The following GABRA1 variants were observed in gnomAD, a reference collection of about 807,000 sequenced individuals.
GABRA1 encodes gamma-aminobutyric acid type A receptor subunit alpha1, also known as gamma-aminobutyric acid receptor subunit alpha-1.
In GABRA1, 9 loss-of-function variants were observed where a neutral mutation model predicts 48.9. The observed-to-expected ratio is 0.18, with a 90% CI of 0.11 to 0.32. GABRA1 has a LOEUF of 0.32. GABRA1 is among the 10% of genes least tolerant of loss of function. GABRA1 has a pLI of 1.00. For missense variants in GABRA1, 285 were observed against 553.8 expected, an observed-to-expected ratio of 0.51 and a Z score of 4.87; for synonymous variants, 210 against 198.7, an observed-to-expected ratio of 1.06 and a Z score of -0.48.
At chr5:161,868,932 A>G (rs1753991819) in intron 4 of GABRA1, among the ~76,000 whole-genome samples, 1 of 152,172 alleles carries the variant, frequency 6.6e-6, no homozygotes, top group Non-Finnish European at 1.5e-5. Flanking sequence ...TGTCCAACCA[A>G]CAATATTCCC....
chr5:161,895,965 A>C, intron 9 of GABRA1, 97 bp downstream of exon 9: 1 of 987,966 alleles, frequency 1.0e-6, no homozygotes, highest in South Asian at 1.3e-5. Flanking sequence ...TGGAGTATGC[A>C]GAATAATAAG....
intron 7 of GABRA1, among the ~76,000 whole-genome samples, chr5:161,887,648 T>C (rs1414867645): frequency 6.6e-6 from 1 of 152,088 alleles, no homozygotes; most frequent in Non-Finnish European, 1.5e-5. Flanking sequence ...TTAGTATCCA[T>C]AGAAAACACC....
chr5:161,862,429 T>G (rs996121171), intron 3 of GABRA1, among the ~76,000 whole-genome samples: 2 of 151,904 alleles, frequency 1.3e-5, no homozygotes, highest in African/African-American at 2.4e-5. Flanking sequence ...TTAATGTATT[T>G]CCCTGGATCT....
At chr5:161,870,631 C>G (rs561119235) in intron 4 of GABRA1, among the ~76,000 whole-genome samples, 2 of 147,734 alleles carry the variant, frequency 1.4e-5, no homozygotes, top group Non-Finnish European at 3.0e-5. Flanking sequence ...GACAGACAGA[C>G]AGAAAGAAAG....
chr5:161,882,536 A>T (rs372322035), intron 6 of GABRA1, 22 bp from the exon 7 acceptor site: 1 of 1,610,092 alleles, frequency 6.2e-7, no homozygotes, highest in African/African-American at 1.3e-5. Flanking sequence ...TATATGGATC[A>T]TTTTCTACTG....
chr5:161,874,937 G>C (rs888639074), intron 5 of GABRA1, among the ~76,000 whole-genome samples: 1 of 152,034 alleles, frequency 6.6e-6, no homozygotes, highest in Admixed American at 6.6e-5. Flanking sequence ...ACATCCCAGG[G>C]ACTAGAGAGA....
intron 4 of GABRA1, among the ~76,000 whole-genome samples, chr5:161,870,497 G>C (rs1356401874): frequency 1.3e-5 from 2 of 151,594 alleles, no homozygotes; most frequent in Non-Finnish European, 2.9e-5. Flanking sequence ...GACTCAGGAG[G>C]TGGAGGTTGC....
At chr5:161,883,091 T>G (rs1222478600) in intron 7 of GABRA1, among the ~76,000 whole-genome samples, 1 of 152,150 alleles carries the variant, frequency 6.6e-6, no homozygotes, top group Non-Finnish European at 1.5e-5. Context: ...TTATCACAAT[T>G]CCTGACCCAT....
At chr5:161,873,077 C>T in intron 4 of GABRA1, 40 bp from the exon 5 acceptor site, 4 of 1,451,852 alleles carry the variant, frequency 2.8e-6, no homozygotes, top group Non-Finnish European at 3.9e-6. Flanking sequence ...TTGCAAAATA[C>T]AGCACAGTGA....
At chr5:161,875,776 T>G (rs1026232422) in intron 6 of GABRA1, 134 bp downstream of exon 6, 4 of 723,872 alleles carry the variant, frequency 5.5e-6, no homozygotes, top group African/African-American at 5.2e-5. Context: ...GGACTTTCCA[T>G]AAGTAGTGCT....
chr5:161,889,861 A>G (rs1021435151), intron 7 of GABRA1, among the ~76,000 whole-genome samples: 4 of 152,156 alleles, frequency 2.6e-5, no homozygotes, highest in African/African-American at 9.6e-5. Flanking sequence ...GCTGAGGTTG[A>G]GAAAGCCTAA....
chr5:161,848,990 GAACACGAA>G (rs1757331870), intron 1 of GABRA1: 1 of 455,350 alleles, frequency 2.2e-6, no homozygotes, highest in Non-Finnish European at 4.4e-6. Context: ...CTCCCATTCT[GAACACGAA>G]AACTCAACTT....
At chr5:161,893,587 C>T (rs1481168632) in intron 8 of GABRA1, among the ~76,000 whole-genome samples, 1 of 152,128 alleles carries the variant, frequency 6.6e-6, no homozygotes, top group Non-Finnish European at 1.5e-5. Context: ...AAGAAGGTTG[C>T]AGTCTATCTT....
At chr5:161,849,086 T>C (rs1757338402) in intron 1 of GABRA1, 3 of 421,484 alleles carry the variant, frequency 7.1e-6, no homozygotes, top group African/African-American at 2.1e-5. Flanking sequence ...AGGTAGAAAG[T>C]GGTAAGACTG....
intron 7 of GABRA1, among the ~76,000 whole-genome samples, chr5:161,883,484 T>C (rs1242452085): frequency 6.6e-6 from 1 of 152,160 alleles, no homozygotes; most frequent in African/African-American, 2.4e-5. Flanking sequence ...CTATCTGAAA[T>C]GTGATCATCA....
chr5:161,879,984 A>G (rs1197200458), intron 6 of GABRA1, among the ~76,000 whole-genome samples: 5 of 152,216 alleles, frequency 3.3e-5, no homozygotes, highest in Non-Finnish European at 1.5e-5. Flanking sequence ...GTGAAATGAC[A>G]CAAGATCTAG....
chr5:161,890,798 T>C (rs1189876224), intron 7 of GABRA1, 100 bp from the exon 8 acceptor site: 1 of 1,041,060 alleles, frequency 9.6e-7, no homozygotes, highest in Admixed American at 1.7e-5. Context: ...GGAGAAAGGA[T>C]GTGTCTAATT....
intron 2 of GABRA1, among the ~76,000 whole-genome samples, chr5:161,852,056 GT>G (rs1757466037): frequency 6.6e-6 from 1 of 151,894 alleles, no homozygotes; most frequent in East Asian, 1.9e-4. Flanking sequence ...TATTCGTAGG[GT>G]TTTTTTCTGG....
intron 6 of GABRA1, among the ~76,000 whole-genome samples, chr5:161,878,993 T>C (rs1167751993): frequency 6.6e-6 from 1 of 152,202 alleles, no homozygotes; most frequent in African/African-American, 2.4e-5. Context: ...CTCATAAAAG[T>C]GAAATGATAG....
Sources: allele counts gnomAD v4.1 joint callset (sites outside exome capture counted in the v4.1 genomes callset), GRCh38; gene constraint gnomAD v4.1.1; transcripts MANE v1.5; gene names NCBI Gene and HGNC (gene_info 2026-07-23, HGNC 2026-07-21).